ADGRV1: variants seen among roughly 807,000 people sequenced by gnomAD.
The protein encoded by ADGRV1 is G-protein coupled receptor 98.
ADGRV1 carries 359 observed loss-of-function variants against 596.2 expected under a neutral mutation model. The observed-to-expected ratio is 0.60, with a 90% confidence interval of 0.55 to 0.66. The LOEUF is 0.66. ADGRV1 is among the 30% of genes least tolerant of loss of function. ADGRV1 has a pLI of 0.00. For synonymous variants in ADGRV1, 2,681 were observed against 2,679.2 expected, an observed-to-expected ratio of 1.00 and a Z score of -0.02; for missense variants, 7,274 against 7,575.6, an observed-to-expected ratio of 0.96 and a Z score of 1.48.
chr5:90,683,877 A>G lies in ADGRV1; in HGVS notation c.5956A>G (p.Arg1986Gly). 1 of 1,613,494 alleles carries G rather than the reference A, an allele frequency of 6.2e-7. No homozygotes were observed. Among genetic ancestry groups the G allele is most frequent in the South Asian group, 1.1e-5 (1 of 90,998 alleles). The part of the protein sequence containing the change: ...YGIFIFSEKN[R>G]PVKVEEATQN... The stretch of plus-strand genomic sequence containing the variant: ...GATATTCATTTTTTCTGAGAAAAAC[A>G]GACCTGTTAAAGTTGAGGAAGCAAC... The change falls in exon 28 of 90, where the codon AGA becomes GGA. Residue 1986 changes from arginine (R) to glycine (G), a missense_variant. Arg to Gly is a moderately radical substitution (Grantham distance 125). Transcript: ENST00000405460.
chr5:90,960,160 A>AAAAC (rs2150947998), intron 83 of ADGRV1, among the ~76,000 whole-genome samples: 1 of 151,580 alleles, frequency 6.6e-6, no homozygotes, highest in African/African-American at 2.4e-5. Flanking sequence ...AAAACAAAAA[A>AAAAC]CAGATCAGTG....
intron 85 of ADGRV1, among the ~76,000 whole-genome samples, chr5:91,014,762 G>C (rs1175275452): frequency 6.6e-6 from 1 of 151,900 alleles, no homozygotes; most frequent in African/African-American, 2.4e-5. Context: ...ATTTCTAATT[G>C]TGTTTATTTG....
chr5:91,164,229 C>T lies in ADGRV1; in HGVS notation c.*329C>T, dbSNP rs1797186794. On this transcript the variant is annotated 3_prime_UTR_variant, in exon 90 of 90. Coordinates refer to ENST00000405460, the MANE Select transcript of ADGRV1 (RefSeq NM_032119.4). Reference sequence around the variant, plus strand: ...GCAATAGAATCTATTTGGTATCATCCAGCTTCATTATTGATAAAGAAACAT... The same window carrying T: ...GCAATAGAATCTATTTGGTATCATCTAGCTTCATTATTGATAAAGAAACAT... The T allele has an allele frequency of 2.9e-6, 1 of 350,620 alleles. No homozygotes were observed. Among genetic ancestry groups the T allele is most frequent in the Admixed American group, 3.8e-5 (1 of 26,058 alleles). The allele number at this position is 350,620 out of a possible 1,614,324, so 21.7% of individuals were successfully genotyped here.
In ADGRV1 at chr5:91,163,804, TAATG is replaced by T; in HGVS notation, c.18829_18832del (p.Glu6277LeufsTer11). On this transcript the variant is annotated frameshift_variant, in exon 90 of 90. Transcript: ENST00000405460. LOFTEE classifies it high-confidence loss of function. ...CAGGTGCTGGTCTCAGTGTCAGTGA[TAATG>T]AATCTGGTCAAGGCAGCCAGGAGGG... 4.4e-6 allele frequency: 7 copies of T among 1,577,888 alleles called. No homozygotes were observed. The highest frequency in any genetic ancestry group is 6.1e-6 in the Non-Finnish European group (7 of 1,152,550).
intron 53 of ADGRV1, among the ~76,000 whole-genome samples, chr5:90,751,126 G>A (rs1256882766): frequency 6.6e-6 from 1 of 152,136 alleles, no homozygotes. Flanking sequence ...TGGGCTTCCT[G>A]TAAATAGACT....
intron 87 of ADGRV1, among the ~76,000 whole-genome samples, chr5:91,137,784 G>C (rs1405141884): frequency 6.6e-6 from 1 of 152,180 alleles, no homozygotes; most frequent in Admixed American, 6.5e-5. Flanking sequence ...TTGGAGGCAA[G>C]ACCAAGCCTG....
At position 90,947,693 on chromosome 5, in the gene ADGRV1, A is replaced by G. The variant is rs573602396; in HGVS notation, c.17857-17722A>G. Among the ~76,000 whole-genome samples the G allele has an allele frequency of 2.0e-5, 3 of 152,218 alleles. No homozygotes were observed. The East Asian group carries it at 5.8e-4, about 29-fold the overall frequency. On this transcript the variant is annotated intron_variant, in intron 83 of 89. Coordinates refer to ENST00000405460, the MANE Select transcript of ADGRV1 (RefSeq NM_032119.4). ...AGAAAGCAGGTCCTGAAATAGGGTG[A>G]GGAAGGTCAGTACAGGCACTCTACC...
chr5:90,698,761 G>C (rs1457771926), intron 34 of ADGRV1, among the ~76,000 whole-genome samples: 4 of 116,170 alleles, frequency 3.4e-5, no homozygotes, highest in Non-Finnish European at 5.2e-5. Flanking sequence ...AAGAACATCA[G>C]ACTAAGGTGC....
chr5:90,794,506 A>G (rs1760449570), intron 70 of ADGRV1, among the ~76,000 whole-genome samples: 1 of 152,226 alleles, frequency 6.6e-6, no homozygotes, highest in African/African-American at 2.4e-5. Context: ...TGAGAAGCTC[A>G]GCAGATACGA....
intron 4 of ADGRV1, among the ~76,000 whole-genome samples, chr5:90,620,436 T>C (rs1308224744): frequency 2.0e-5 from 3 of 152,214 alleles, no homozygotes; most frequent in Non-Finnish European, 4.4e-5. Context: ...TTGCCCACTT[T>C]TTGATGGAGT....
At chr5:90,796,394 T>C (rs1017239225) in intron 70 of ADGRV1, among the ~76,000 whole-genome samples, 18 of 151,658 alleles carry the variant, frequency 1.2e-4, no homozygotes, top group African/African-American at 4.4e-4. Flanking sequence ...GAAGATCAGC[T>C]TAATGAAGTA....
chr5:91,120,187 G>T (rs1464709896), intron 87 of ADGRV1, among the ~76,000 whole-genome samples: 1 of 152,202 alleles, frequency 6.6e-6, no homozygotes, highest in East Asian at 1.9e-4. Flanking sequence ...ACTGTGTCTT[G>T]TAAAGAGGGA....
chr5:90,600,117 C>A (rs1761217034), intron 1 of ADGRV1, among the ~76,000 whole-genome samples: 1 of 152,130 alleles, frequency 6.6e-6, no homozygotes, highest in South Asian at 2.1e-4. Flanking sequence ...CATAAGTGAT[C>A]TTCCGGAGCT....
At chr5:90,912,588 C>G (rs545777996) in intron 83 of ADGRV1, among the ~76,000 whole-genome samples, 40 of 152,070 alleles carry the variant, frequency 2.6e-4, no homozygotes, top group Admixed American at 1.1e-3. Flanking sequence ...ATCTTTATGT[C>G]CATGAGTACC....
intron 1 of ADGRV1, among the ~76,000 whole-genome samples, chr5:90,592,840 T>A (rs1406324552): frequency 4.6e-5 from 7 of 152,030 alleles, no homozygotes; most frequent in Non-Finnish European, 1.0e-4. Context: ...AACAGACACA[T>A]GAAAAAATGC....
intron 85 of ADGRV1, among the ~76,000 whole-genome samples, chr5:91,041,648 AAGAG>A (rs932058683): frequency 6.7e-5 from 10 of 149,984 alleles, no homozygotes; most frequent in Non-Finnish European, 1.3e-4. Flanking sequence ...AAAAAAAAAA[AAGAG>A]AGAGAGAGAG....
chr5:91,055,337 T>G (rs116209790), intron 85 of ADGRV1, among the ~76,000 whole-genome samples: 1,745 of 152,092 alleles, frequency 0.011, 37 homozygotes, highest in African/African-American at 0.041. Flanking sequence ...ATGATTTCTA[T>G]ACATGAGTAG....
At chr5:90,935,144 A>C (rs898288120) in intron 83 of ADGRV1, among the ~76,000 whole-genome samples, 2 of 152,378 alleles carry the variant, frequency 1.3e-5, no homozygotes, top group Non-Finnish European at 1.5e-5. Flanking sequence ...AATGGAGAAC[A>C]GTAAATGCTT....
intron 21 of ADGRV1, 124 bp from the exon 22 acceptor site, chr5:90,672,422 C>A: frequency 1.6e-6 from 1 of 634,562 alleles, no homozygotes. Flanking sequence ...CCTCGTTAGT[C>A]CCTTTTAGAG....
Sources: allele counts gnomAD v4.1 joint callset (sites outside exome capture counted in the v4.1 genomes callset), GRCh38; gene constraint gnomAD v4.1.1; transcripts MANE v1.5; gene names NCBI Gene and HGNC (gene_info 2026-07-23, HGNC 2026-07-21).